The following PARP4 variants were observed in gnomAD, a reference collection of about 807,000 sequenced individuals.
PARP4 encodes poly(ADP-ribose) polymerase family member 4, also known as protein mono-ADP-ribosyltransferase PARP4.
A neutral mutation model predicts 187.7 loss-of-function variants in PARP4; 120 were observed. That is an observed-to-expected ratio of 0.64 (90% CI 0.55 to 0.74). The LOEUF (loss-of-function observed/expected upper bound fraction) is 0.74, where lower values mean the gene tolerates loss of function less well. PARP4 is among the 30% of genes least tolerant of loss of function. PARP4 has a pLI of 0.00. For missense variants in PARP4, 1,836 were observed against 2,070.5 expected (o/e 0.89, Z 2.20); for synonymous variants, 654 against 740.9 (o/e 0.88, Z 1.90).
In PARP4 at chr13:24,422,091, G is replaced by A. The variant is rs367921745; in HGVS notation, c.4980-777C>T. Among the ~76,000 whole-genome samples, 176 of 152,262 alleles carry A rather than the reference G, an allele frequency of 1.2e-3. 3 individuals are homozygous for A. The East Asian group carries it at 0.018, about 16-fold the overall frequency. On this transcript the variant is annotated intron_variant, in intron 33 of 33. Coordinates refer to ENST00000381989, the MANE Select transcript of PARP4 (RefSeq NM_006437.4). ...ACTGGGAAAGGGCCGTCAGTATAGCGTGGTGGTTAAGAGCTGGGTTTGAGT... is the reference window on the plus strand; with the variant it reads ...ACTGGGAAAGGGCCGTCAGTATAGCATGGTGGTTAAGAGCTGGGTTTGAGT...
At chr13:24,472,174 G>GAC (rs1566007535) in intron 15 of PARP4, among the ~76,000 whole-genome samples, 2 of 108,992 alleles carry the variant, frequency 1.8e-5, no homozygotes, top group Non-Finnish European at 4.2e-5. Context: ...TATAGCACTT[G>GAC]GCATGGAGTC....
chr13:24,422,833 TCTTAAC>T (rs1247756519), intron 33 of PARP4, among the ~76,000 whole-genome samples: 3 of 152,072 alleles, frequency 2.0e-5, no homozygotes, highest in African/African-American at 7.2e-5. Context: ...GGTCTCAATC[TCTTAAC>T]CTTGTGATCT....
intron 1 of PARP4, among the ~76,000 whole-genome samples, chr13:24,504,304 G>GTTT (rs1447515666): frequency 9.3e-6 from 1 of 107,872 alleles, no homozygotes; most frequent in African/African-American, 3.5e-5. Context: ...CTGCATTTAG[G>GTTT]TTCTTTTTTT....
intron 15 of PARP4, among the ~76,000 whole-genome samples, chr13:24,473,257 A>G (rs1872813160): frequency 6.6e-6 from 1 of 152,174 alleles, no homozygotes; most frequent in Non-Finnish European, 1.5e-5. Context: ...CAAAATGTGT[A>G]TATTTTAGTA....
At chr13:24,456,120 A>G (rs1871833705) in intron 21 of PARP4, among the ~76,000 whole-genome samples, 1 of 152,180 alleles carries the variant, frequency 6.6e-6, no homozygotes, top group Non-Finnish European at 1.5e-5. Flanking sequence ...TAAAAATGCG[A>G]ATTTGTACAG....
chr13:24,449,910 G>C, intron 24 of PARP4, 93 bp from the exon 25 acceptor site: 1 of 692,740 alleles, frequency 1.4e-6, no homozygotes, highest in Non-Finnish European at 2.6e-6. Context: ...AACTCAATAG[G>C]AGAGACATGA....
intron 32 of PARP4, among the ~76,000 whole-genome samples, chr13:24,429,487 G>A (rs569457228): frequency 1.3e-5 from 2 of 152,304 alleles, no homozygotes; most frequent in Non-Finnish European, 2.9e-5. Context: ...TAGGTCCTGT[G>A]TAGGCTTTGT....
chr13:24,491,736 CTCCT>C (rs1868665700), intron 9 of PARP4, among the ~76,000 whole-genome samples: 1 of 152,222 alleles, frequency 6.6e-6, no homozygotes, highest in Non-Finnish European at 1.5e-5. Context: ...GCCTGCTTCT[CTCCT>C]GGCAGCTCAG....
At chr13:24,424,689 T>TTTTGG (rs1869926773) in intron 33 of PARP4, among the ~76,000 whole-genome samples, 1 of 118,856 alleles carries the variant, frequency 8.4e-6, no homozygotes, top group Non-Finnish European at 1.7e-5. Flanking sequence ...TTTTTTTTTT[T>TTTTGG]GAGACGGAGT....
Position 24,434,624 on chromosome 13 carries a change from C to A in PARP4, c.4517G>T (p.Gly1506Val), listed in dbSNP as rs1350980841. 1 of 1,612,140 alleles carries A rather than the reference C, an allele frequency of 6.2e-7. No individual in the cohort carries two copies. ...AGGACATCGACTTCCTTCGAGACTG[C>A]CTACTGATTCTTCTAGAAGACAGAG... is the stretch of plus-strand genomic sequence containing the variant. ...VDLCLLEESV[G>V]SLEGSRCPVF... The change falls in exon 31 of 34, where the codon GGC (glycine) becomes GTC (valine). Residue 1506 changes from glycine (G) to valine (V), a missense_variant. By Grantham distance (109) the Gly-to-Val change is moderately radical. Around this residue, in one of 8 missense-constraint regions of PARP4, gnomAD observed 450 missense variants for 439.2 expected, o/e 1.02. Transcript: ENST00000381989.
At chr13:24,434,258 G>T in intron 31 of PARP4, 137 bp downstream of exon 31, 1 of 536,020 alleles carries the variant, frequency 1.9e-6, no homozygotes, top group Non-Finnish European at 2.8e-6. Flanking sequence ...GAAGCAGTAT[G>T]ATTTATACCC....
chr13:24,469,704 AC>A (rs1361538948), intron 16 of PARP4, among the ~76,000 whole-genome samples, 189 bp downstream of exon 16: 1 of 152,184 alleles, frequency 6.6e-6, no homozygotes, highest in Non-Finnish European at 1.5e-5. Context: ...GGGGGTAGAA[AC>A]CCTTCATCAC....
intron 30 of PARP4, 112 bp from the exon 31 acceptor site, chr13:24,435,586 C>G: frequency 8.9e-7 from 1 of 1,118,920 alleles, no homozygotes. Flanking sequence ...AGTTGCTCAT[C>G]CAGAATCAGG....
chr13:24,423,995 A>AGATG (rs756716322), intron 33 of PARP4, among the ~76,000 whole-genome samples: 4 of 152,046 alleles, frequency 2.6e-5, no homozygotes, highest in Admixed American at 6.5e-5. Context: ...TTTTTTGTAG[A>AGATG]GATGGCAGTC....
intron 32 of PARP4, among the ~76,000 whole-genome samples, chr13:24,428,464 T>C (rs1480111134): frequency 6.6e-6 from 1 of 152,210 alleles, no homozygotes; most frequent in Non-Finnish European, 1.5e-5. Context: ...ACCTCTTCCA[T>C]GAGCTCCAGC....
intron 30 of PARP4, among the ~76,000 whole-genome samples, chr13:24,439,093 T>C (rs1454797070): frequency 2.0e-5 from 3 of 152,196 alleles, no homozygotes; most frequent in Admixed American, 6.5e-5. Flanking sequence ...GCAAATTTAG[T>C]ATGAAATAAT....
At chr13:24,454,173 C>T (rs1374450384) in intron 22 of PARP4, among the ~76,000 whole-genome samples, 2 of 152,122 alleles carry the variant, frequency 1.3e-5, no homozygotes, top group African/African-American at 4.8e-5. Flanking sequence ...TGGTGCTTTA[C>T]TATGCAAAAT....
intron 11 of PARP4, 119 bp downstream of exon 11, chr13:24,486,049 G>C: frequency 2.5e-6 from 2 of 806,794 alleles, no homozygotes; most frequent in Non-Finnish European, 3.9e-6. Flanking sequence ...AATGCAGTAA[G>C]CTAGCTGATT....
At chr13:24,435,544 C>A (rs1173143624) in intron 30 of PARP4, 70 bp from the exon 31 acceptor site, 1 of 1,462,526 alleles carries the variant, frequency 6.8e-7, no homozygotes, top group African/African-American at 1.4e-5. Flanking sequence ...AGCAAACATT[C>A]TTCCTAGCAC....
Sources: gnomAD v4.1 joint callset for allele counts (sites outside exome capture counted in the v4.1 genomes callset) on GRCh38, gnomAD v4.1.1 for gene constraint, gnomAD v4.1.1 regional missense constraint, MANE v1.5 for transcripts, NCBI Gene and HGNC (gene_info 2026-07-23, HGNC 2026-07-21) for gene names.